The following BMPER variants were observed in gnomAD, a reference collection of about 807,000 sequenced individuals.
BMPER encodes the protein BMP-binding endothelial regulator protein.
BMPER carries 45 observed loss-of-function variants against 87.3 expected under a neutral mutation model. That is an observed-to-expected ratio of 0.52 (90% CI 0.41 to 0.66). The LOEUF (loss-of-function observed/expected upper bound fraction) is 0.66. Among genes scored for constraint, BMPER ranks in the 30% least tolerant of loss-of-function variants. The pLI, the probability that BMPER is intolerant of heterozygous loss-of-function variation, is 0.00. For missense variants in BMPER, 784 were observed against 867.5 expected, an observed-to-expected ratio of 0.90 and a Z score of 1.21; for synonymous variants, 326 against 316.2, an observed-to-expected ratio of 1.03 and a Z score of -0.33.
At chr7:33,965,393 ATT>A in intron 3 of BMPER, among the ~76,000 whole-genome samples, 1 of 147,642 alleles carries the variant, frequency 6.8e-6, no homozygotes, top group African/African-American at 2.5e-5. Context: ...ATTAACAGGG[ATT>A]TTTTTTTTTA....
intron 13 of BMPER, among the ~76,000 whole-genome samples, chr7:34,095,499 C>T (rs1454329960): frequency 2.0e-5 from 3 of 152,124 alleles, no homozygotes; most frequent in East Asian, 3.8e-4. Context: ...TATGTCTTTT[C>T]GTTTTAGCTT....
chr7:34,036,065 T>A (rs1787657142), intron 6 of BMPER, among the ~76,000 whole-genome samples: 1 of 152,178 alleles, frequency 6.6e-6, no homozygotes, highest in Non-Finnish European at 1.5e-5. Flanking sequence ...TTCTCCTGCA[T>A]AATGGTGTTA....
upstream of BMPER, chr7:33,905,460 CCCCCGCCCCCCAGCT>C: frequency 3.4e-6 from 2 of 593,388 alleles, no homozygotes; most frequent in Non-Finnish European, 5.7e-6. Flanking sequence ...CCCTCACACC[CCCCCGCCCCCCAGCT>C]CTCGGGCGCC....
intron 13 of BMPER, among the ~76,000 whole-genome samples, chr7:34,129,632 GAA>G (rs1344234321): frequency 6.2e-5 from 9 of 145,448 alleles, no homozygotes; most frequent in East Asian, 6.1e-4. Flanking sequence ...GAGAAAGAGA[GAA>G]AGAAAGAAAG....
At chr7:33,909,393 C>T (rs557464020) in intron 2 of BMPER, among the ~76,000 whole-genome samples, 25 of 152,228 alleles carry the variant, frequency 1.6e-4, no homozygotes, top group African/African-American at 4.3e-4. Flanking sequence ...TACCTTTTGG[C>T]GTTCCTTGGG....
rs114944705 is a variant in BMPER, at chr7:33,946,735, A to G, written c.319+9347A>G. Among the ~76,000 whole-genome samples, 1,181 of 152,360 alleles carry G rather than the reference A, an allele frequency of 7.8e-3. 16 individuals are homozygous for G. Among genetic ancestry groups the G allele is most frequent in the African/African-American group, 0.026 (1,095 of 41,580 alleles). On this transcript the variant is annotated intron_variant, in intron 3 of 14. Coordinates refer to ENST00000649409, the MANE Select transcript of BMPER (RefSeq NM_001365308.1). ...ATTTTCCTCCGAAAAAGATGCTGATATTGAAAAGGCAATGGTAGGAGAGTA... is the reference window on the plus strand; with the variant it reads ...ATTTTCCTCCGAAAAAGATGCTGATGTTGAAAAGGCAATGGTAGGAGAGTA...
intron 10 of BMPER, among the ~76,000 whole-genome samples, chr7:34,061,357 T>C (rs1307638792): frequency 6.6e-6 from 1 of 152,178 alleles, no homozygotes; most frequent in Non-Finnish European, 1.5e-5. Flanking sequence ...ATGTAGGAAA[T>C]TGCAGTGTAT....
At chr7:34,134,910 C>T (rs949527205) in intron 13 of BMPER, among the ~76,000 whole-genome samples, 3 of 152,138 alleles carry the variant, frequency 2.0e-5, no homozygotes, top group African/African-American at 7.2e-5. Context: ...AGAATTGCTA[C>T]TTCCTTAAAG....
chr7:34,066,030 C>G (rs1788579550), intron 11 of BMPER, among the ~76,000 whole-genome samples: 1 of 152,166 alleles, frequency 6.6e-6, no homozygotes, highest in African/African-American at 2.4e-5. Context: ...AGTGGCATTA[C>G]ATTGTCTGTT....
intron 14 of BMPER, among the ~76,000 whole-genome samples, chr7:34,147,535 ATC>A (rs1387658768): frequency 6.6e-6 from 1 of 152,108 alleles, no homozygotes; most frequent in Non-Finnish European, 1.5e-5. Context: ...CAATGGCGTG[ATC>A]TCGGCTCACT....
chr7:34,048,886 A>G (rs988545437), intron 7 of BMPER, among the ~76,000 whole-genome samples: 1 of 152,204 alleles, frequency 6.6e-6, no homozygotes, highest in African/African-American at 2.4e-5. Context: ...CTTATGTTGG[A>G]CCATGATGAC....
chr7:34,018,389 G>A (rs1787092853), intron 6 of BMPER, among the ~76,000 whole-genome samples: 1 of 151,864 alleles, frequency 6.6e-6, no homozygotes, highest in Non-Finnish European at 1.5e-5. Context: ...TATGGTTCTA[G>A]TCTTTCAAAG....
intron 6 of BMPER, among the ~76,000 whole-genome samples, chr7:33,988,263 G>A (rs1219135223): frequency 6.6e-6 from 1 of 152,098 alleles, no homozygotes; most frequent in Non-Finnish European, 1.5e-5. Flanking sequence ...TTTTGACATT[G>A]ATGGGAAATG....
intron 5 of BMPER, among the ~76,000 whole-genome samples, chr7:33,972,174 A>T (rs148369991): frequency 0.021 from 3,185 of 152,198 alleles, 102 homozygotes; most frequent in African/African-American, 0.072. Context: ...AAGTGCTGGG[A>T]TTACAGGCGT....
At chr7:33,970,892 T>C (rs1301019403) in intron 5 of BMPER, among the ~76,000 whole-genome samples, 1 of 152,118 alleles carries the variant, frequency 6.6e-6, no homozygotes, top group Non-Finnish European at 1.5e-5. Flanking sequence ...CCCTCTTGTC[T>C]TTTTTAGAGG....
chr7:33,913,287 A>G (rs1251571281), intron 2 of BMPER, among the ~76,000 whole-genome samples: 3 of 152,230 alleles, frequency 2.0e-5, no homozygotes, highest in East Asian at 1.9e-4. Context: ...AGAAATCTCC[A>G]TGGGAACCAG....
At chr7:33,960,861 C>A (rs2128616210) in intron 3 of BMPER, among the ~76,000 whole-genome samples, 1 of 152,274 alleles carries the variant, frequency 6.6e-6, no homozygotes, top group East Asian at 1.9e-4. Context: ...TGAAATTAAG[C>A]ATTTATCAAG....
intron 8 of BMPER, among the ~76,000 whole-genome samples, chr7:34,053,420 C>T (rs887582971): frequency 4.6e-5 from 7 of 152,188 alleles, no homozygotes; most frequent in East Asian, 1.9e-4. Context: ...GTTGGCTCTT[C>T]GACAGTGTGG....
chr7:33,988,241 G>C (rs1023442707), intron 6 of BMPER, among the ~76,000 whole-genome samples: 16 of 152,286 alleles, frequency 1.1e-4, no homozygotes, highest in African/African-American at 3.9e-4. Flanking sequence ...GCAAATGCTA[G>C]GAGTGACTCT....
Sources: allele counts gnomAD v4.1 joint callset (sites outside exome capture counted in the v4.1 genomes callset), GRCh38; gene constraint gnomAD v4.1.1; transcripts MANE v1.5; gene names NCBI Gene and HGNC (gene_info 2026-07-23, HGNC 2026-07-21).